ALKBH6: variants seen among roughly 807,000 people sequenced by gnomAD.
The protein encoded by ALKBH6 is alkB homolog 6, nucleotide demethylase, also known as probable RNA/DNA demethylase ALKBH6.
In ALKBH6, 20 loss-of-function variants were observed where a neutral mutation model predicts 25.1. That is an observed-to-expected ratio of 0.80 (90% confidence interval 0.56 to 1.16). The LOEUF is 1.16. ALKBH6 is among the 50% of genes most tolerant of loss of function. The pLI is 0.00. For synonymous variants in ALKBH6, 156 were observed against 147.5 expected (o/e 1.06, Z -0.42); for missense variants, 263 against 326.5 (o/e 0.81, Z 1.50).
rs1968697017 is a variant in ALKBH6 at position 36,013,844 on chromosome 19, G to A, written c.-26+331C>T. On this transcript the variant is annotated intron_variant, in intron 1 of 6. Coordinates refer to ENST00000378875, the MANE Select transcript of ALKBH6 (RefSeq NM_032878.5). This position sits in a 1 kb window ranked among gnomAD's most constrained non-coding sequence, Gnocchi z 4.6. ...CGGCTATCAACACTCAGCGACCCCC[G>A]CCCCCCACCGAATCCCATTCTGTGC... 1.6e-6 allele frequency: 2 copies of A among 1,234,614 alleles called. No individual in the cohort carries two copies. Among genetic ancestry groups the A allele is most frequent in the South Asian group, 2.2e-5 (1 of 44,572 alleles). The allele number at this position is 1,234,614 out of a possible 1,614,324, so 76.5% of individuals were successfully genotyped here. A position where few individuals can be genotyped will look rare whatever the true frequency, so the allele number is the denominator to read the frequency against.
chr19:36,010,462 G>C lies in ALKBH6; in HGVS notation c.453+105C>G. 1.0e-6 allele frequency: 1 copy of C among 981,760 alleles called. No homozygotes were observed. The allele number at this position is 981,760 out of a possible 1,614,324, so 60.8% of individuals were successfully genotyped here. A position where few individuals can be genotyped will look rare whatever the true frequency, so the allele number is the denominator to read the frequency against. Reference sequence around the variant, plus strand: ...ATGAGGGGACAAGGGAAGGTATCTGGGAGAGTGCCAGGAGTACCCCGAAGG... The same window carrying C: ...ATGAGGGGACAAGGGAAGGTATCTGCGAGAGTGCCAGGAGTACCCCGAAGG... On this transcript the variant is annotated intron_variant, in intron 6 of 6. Coordinates refer to ENST00000378875, the MANE Select transcript of ALKBH6 (RefSeq NM_032878.5). This position sits in a 1 kb window ranked among gnomAD's most constrained non-coding sequence, Gnocchi z 5.5.
chr19:36,010,746 AG>A lies in ALKBH6; in HGVS notation c.337-64del, dbSNP rs1390835202. The A allele has an allele frequency of 2.5e-6, 4 of 1,578,776 alleles. No homozygotes were observed. The highest frequency in any genetic ancestry group is 1.3e-5 in the African/African-American group (1 of 74,314). On this transcript the variant is annotated intron_variant, in intron 5 of 6. Coordinates refer to ENST00000378875, the MANE Select transcript of ALKBH6 (RefSeq NM_032878.5). The surrounding 1 kb of genome is among the most constrained non-coding windows in gnomAD (Gnocchi z 5.5). ...CCACAACCCCCACCCTCTGGGTCAA[AG>A]GGGGGCTTCCCAAGCCAGGGACAGG... is the stretch of plus-strand genomic sequence containing the variant.
At chr19:36,011,655 A>G in intron 3 of ALKBH6, 191 bp from the exon 4 acceptor site, 1 of 579,832 alleles carries the variant, frequency 1.7e-6, no homozygotes, top group East Asian at 2.9e-5. Context: ...TTTGGCCCCA[A>G]AGCCCACCTG....
Position 36,010,221 on chromosome 19 carries a change from G to T in ALKBH6, c.453+346C>A, listed in dbSNP as rs1968557036. ...ATTCCTGGAGTAGCAGGACGTCTGG[G>T]GCACCCTGAGCAGGGGCAGATAGAG... On this transcript the variant is annotated intron_variant, in intron 6 of 6. Coordinates refer to ENST00000378875, the MANE Select transcript of ALKBH6 (RefSeq NM_032878.5). This position sits in a 1 kb window ranked among gnomAD's most constrained non-coding sequence, Gnocchi z 5.5. The T allele has an allele frequency of 7.5e-6, 2 of 268,166 alleles. No homozygotes were observed. Among genetic ancestry groups the T allele is most frequent in the Non-Finnish European group, 1.4e-5 (2 of 140,230 alleles). 16.6% of individuals were successfully genotyped at this position (268,166 alleles called of 1,614,324 possible). A position where few individuals can be genotyped will look rare whatever the true frequency, so the allele number is the denominator to read the frequency against.
In ALKBH6 at chr19:36,010,555, C is replaced by G; in HGVS notation, c.453+12G>C. On this transcript the variant is annotated intron_variant, in intron 6 of 6. Transcript: ENST00000378875. The surrounding 1 kb of genome is among the most constrained non-coding windows in gnomAD (Gnocchi z 5.5). ...TGCCTACAAGCAGCTGGGGCAGTGT[C>G]TGGGGGCCCACCTGTTCTGTAGGGT... is the stretch of plus-strand genomic sequence containing the variant. 1.9e-6 allele frequency: 3 copies of G among 1,611,166 alleles called. No homozygotes were observed. Among genetic ancestry groups the G allele is most frequent in the Non-Finnish European group, 2.5e-6 (3 of 1,177,856 alleles).
At position 36,009,525 on chromosome 19, in the gene ALKBH6, G is replaced by A; in HGVS notation, c.482C>T (p.Ser161Leu). 8.0e-7 allele frequency: 1 copy of A among 1,257,602 alleles called. No individual in the cohort carries two copies. Among genetic ancestry groups the A allele is most frequent in the Non-Finnish European group, 1.0e-6 (1 of 1,002,782 alleles). 77.9% of individuals were successfully genotyped at this position (1,257,602 alleles called of 1,614,324 possible). The change falls in exon 7 of 7, where the codon TCG becomes TTG. Residue 161 changes from serine to leucine, a missense_variant. Ser to Leu is a moderately radical substitution (Grantham distance 145, BLOSUM62 -2). Around this residue, in one of 3 missense-constraint regions of ALKBH6, gnomAD observed 148 missense variants for 157.5 expected, o/e 0.94. Transcript: ENST00000378875. ...QPRPPPRPTTSLLLEPRSLLV... is the reference protein window; with the variant it reads ...QPRPPPRPTTLLLLEPRSLLV... ...CAGGCTGCGCGGTTCCAGCAGTAGCGAGGTGGTGGGCCGGGGCGGAGGCCG... is the reference window on the plus strand; with the variant it reads ...CAGGCTGCGCGGTTCCAGCAGTAGCAAGGTGGTGGGCCGGGGCGGAGGCCG...
intron 3 of ALKBH6, chr19:36,012,153 G>A (rs890413302): frequency 6.6e-6 from 1 of 152,284 alleles, no homozygotes; most frequent in African/African-American, 2.4e-5. Context: ...GAGCAAGATT[G>A]TCTCAAAAAA....
Position 36,010,706 on chromosome 19 carries a change from G to A in ALKBH6, c.337-23C>T. On this transcript the variant is annotated intron_variant, in intron 5 of 6. Transcript: ENST00000378875. The surrounding 1 kb of genome is among the most constrained non-coding windows in gnomAD (Gnocchi z 5.5). ...GGGCTAGGGAGTGGGCACCAGGGCT[G>A]GGCAGGGCAGGAGTCCACAACCCCC... is the stretch of plus-strand genomic sequence containing the variant. 6.2e-7 allele frequency: 1 copy of A among 1,607,394 alleles called. No homozygotes were observed. The highest frequency in any genetic ancestry group is 8.5e-7 in the Non-Finnish European group (1 of 1,174,404).
In ALKBH6 at chr19:36,013,098, G is replaced by T. The variant is rs1163503128; in HGVS notation, c.55-9C>A. 1 of 1,612,952 alleles carries T rather than the reference G, an allele frequency of 6.2e-7. No individual in the cohort carries two copies. Among genetic ancestry groups the T allele is most frequent in the Non-Finnish European group, 8.5e-7 (1 of 1,179,094 alleles). The stretch of plus-strand genomic sequence containing the variant: ...TAGATTACAGGTGGTGCCTAGGATA[G>T]AAAGACCCCCTGAAGGTGTGGCCCT... On this transcript the variant is annotated splice_polypyrimidine_tract_variant and intron_variant, in intron 2 of 6. Transcript: ENST00000378875. This position sits in a 1 kb window ranked among gnomAD's most constrained non-coding sequence, Gnocchi z 4.6.
rs1235155872 is a variant in ALKBH6 at position 36,013,462 on chromosome 19, C to G, written c.-25-40G>C. ...GGACATACTGAAGTCACTAGGCCTC[C>G]CGCCCTAACACCATGATGCAGCATT... is the stretch of plus-strand genomic sequence containing the variant. On this transcript the variant is annotated intron_variant, in intron 1 of 6. Transcript: ENST00000378875. The surrounding 1 kb of genome is among the most constrained non-coding windows in gnomAD (Gnocchi z 4.6). 2.5e-6 allele frequency: 4 copies of G among 1,611,412 alleles called. No homozygotes were observed. The highest frequency in any genetic ancestry group is 3.4e-6 in the Non-Finnish European group (4 of 1,178,652).
chr19:36,009,380 C>T lies in ALKBH6; in HGVS notation c.627G>A (p.Pro209=), dbSNP rs1388750908. 7.1e-6 allele frequency: 9 copies of T among 1,260,148 alleles called. No individual in the cohort carries two copies. In the South Asian group the frequency reaches 9.1e-5, roughly 13 times the overall value. 78.1% of individuals were successfully genotyped at this position (1,260,148 alleles called of 1,614,324 possible). Reference sequence around the variant, plus strand: ...GGGTGCCGCGCACCAGGCAGGCTCCCGGCCGCGCCGACGGGCAGGCTGCCG... The same window carrying T: ...GGGTGCCGCGCACCAGGCAGGCTCCTGGCCGCGCCGACGGGCAGGCTGCCG... ...PNAAACPSAR[P]GACLVRGTRV... The change falls in exon 7 of 7, where the codon CCG becomes CCA. Residue 209 remains proline, a synonymous_variant. Coordinates refer to ENST00000378875, the MANE Select transcript of ALKBH6 (RefSeq NM_032878.5).
chr19:36,009,361 C>A lies in ALKBH6; in HGVS notation c.646G>T (p.Gly216Cys). The A allele has an allele frequency of 7.7e-7, 1 of 1,296,586 alleles. No homozygotes were observed. Among genetic ancestry groups the A allele is most frequent in the Non-Finnish European group, 9.8e-7 (1 of 1,022,452 alleles). 80.3% of individuals were successfully genotyped at this position (1,296,586 alleles called of 1,614,324 possible). Reference sequence around the variant, plus strand: ...CGGATGGTCAGCGAGACCCGGGTGCCGCGCACCAGGCAGGCTCCCGGCCGC... The same window carrying A: ...CGGATGGTCAGCGAGACCCGGGTGCAGCGCACCAGGCAGGCTCCCGGCCGC... ...SARPGACLVRGTRVSLTIRRV... is the reference protein window; with the variant it reads ...SARPGACLVRCTRVSLTIRRV... Residue 216 changes from glycine to cysteine, a missense_variant, in exon 7 of 7, where the codon GGC becomes TGC. Around this residue, in one of 3 missense-constraint regions of ALKBH6, gnomAD observed 148 missense variants for 157.5 expected, o/e 0.94. Coordinates refer to ENST00000378875, the MANE Select transcript of ALKBH6 (RefSeq NM_032878.5).
chr19:36,011,359 G>T, intron 4 of ALKBH6, 45 bp downstream of exon 4: 1 of 1,603,610 alleles, frequency 6.2e-7, no homozygotes, highest in Non-Finnish European at 8.5e-7. Context: ...CCCTGCCCCA[G>T]CCTACATCCC....
chr19:36,011,056 C>T lies in ALKBH6; in HGVS notation c.185-11G>A, dbSNP rs542005813. The T allele has an allele frequency of 9.4e-6, 15 of 1,592,650 alleles. No homozygotes were observed. The Admixed American group carries it at 1.0e-4, about 11-fold the overall frequency. ...GATGAGGAAGCCCACCTGGGGAAGG[C>T]AATGGGGTCCTGAGGGCCCCCCTAT... On this transcript the variant is annotated splice_polypyrimidine_tract_variant and intron_variant, in intron 4 of 6. Coordinates refer to ENST00000378875, the MANE Select transcript of ALKBH6 (RefSeq NM_032878.5).
In ALKBH6 at chr19:36,010,677, C is replaced by T. The variant is rs200752215; in HGVS notation, c.343G>A (p.Glu115Lys). 101 of 1,613,784 alleles carry T rather than the reference C, an allele frequency of 6.3e-5. No individual in the cohort carries two copies. The East Asian group carries it at 1.5e-3, about 25-fold the overall frequency. Reference protein sequence around the residue: ...YLPGEGIMPHEDGPLYYPTVS... With the variant: ...YLPGEGIMPHKDGPLYYPTVS... Reference sequence around the variant, plus strand: ...GTCGGGTAGTACAGTGGTCCGTCCTCGTGGGGCTAGGGAGTGGGCACCAGG... The same window carrying T: ...GTCGGGTAGTACAGTGGTCCGTCCTTGTGGGGCTAGGGAGTGGGCACCAGG... Residue 115 changes from glutamate to lysine, a missense_variant, in exon 6 of 7, where the codon GAG (glutamate) becomes AAG (lysine). This residue lies in a region of ALKBH6 where 112 missense variants were observed against 153.0 expected (regional missense o/e 0.73). Transcript: ENST00000378875. This position sits in a 1 kb window ranked among gnomAD's most constrained non-coding sequence, Gnocchi z 5.5.
chr19:36,011,630 T>A lies in ALKBH6; in HGVS notation c.124-166A>T, dbSNP rs1197107146. 1.1e-5 allele frequency: 8 copies of A among 711,036 alleles called. No homozygotes were observed. In the African/African-American group the frequency reaches 1.4e-4, roughly 13 times the overall value. The allele number at this position is 711,036 out of a possible 1,614,324, so 44.0% of individuals were successfully genotyped here. ...TCCTAGGATTTTGTGGTTTGCCTTT[T>A]TTCCTGGGAACGCCTTTGGCCCCAA... On this transcript the variant is annotated intron_variant, in intron 3 of 6. Coordinates refer to ENST00000378875, the MANE Select transcript of ALKBH6 (RefSeq NM_032878.5).
In ALKBH6 at chr19:36,013,133, A is replaced by G; in HGVS notation, c.55-44T>C. ...CTGAAGGTGTGGCCCTTCAACCCAC[A>G]CAGAGGACATATCATCACAGAGCAA... is the stretch of plus-strand genomic sequence containing the variant. On this transcript the variant is annotated intron_variant, in intron 2 of 6. Coordinates refer to ENST00000378875, the MANE Select transcript of ALKBH6 (RefSeq NM_032878.5). The surrounding 1 kb of genome is among the most constrained non-coding windows in gnomAD (Gnocchi z 4.6). 2 of 1,574,956 alleles carry G rather than the reference A, an allele frequency of 1.3e-6. No homozygotes were observed. The highest frequency in any genetic ancestry group is 1.7e-6 in the Non-Finnish European group (2 of 1,144,698).
At chr19:36,012,306 A>G (rs1022158318) in intron 3 of ALKBH6, 4 of 152,102 alleles carry the variant, frequency 2.6e-5, no homozygotes, top group Non-Finnish European at 5.9e-5. Context: ...AAAATCTTCC[A>G]CTGCCAAGAT....
At chr19:36,011,489 C>T (rs753225911) in intron 3 of ALKBH6, 25 bp from the exon 4 acceptor site, 1 of 1,613,184 alleles carries the variant, frequency 6.2e-7, no homozygotes. Flanking sequence ...GGGGGTCACT[C>T]CTTTCTCAGG....
Sources: allele counts gnomAD v4.1 joint callset, GRCh38; gene constraint gnomAD v4.1.1; regional missense constraint gnomAD v4.1.1; non-coding constraint Gnocchi (gnomAD v3.1); transcripts MANE v1.5; gene names NCBI Gene and HGNC (gene_info 2026-07-23, HGNC 2026-07-21).